Variants in TMEM132B observed in about 807,000 individuals in gnomAD.
The protein encoded by TMEM132B is transmembrane protein 132B.
A neutral mutation model predicts 90.8 loss-of-function variants in TMEM132B; 18 were observed. That is an observed-to-expected ratio of 0.20 (90% CI 0.14 to 0.29). The LOEUF is 0.29. TMEM132B is among the 10% of genes least tolerant of loss of function. The pLI, the probability that TMEM132B is intolerant of heterozygous loss-of-function variation, is 1.00. For missense variants in TMEM132B, 1,096 were observed against 1,326.8 expected, an observed-to-expected ratio of 0.83 and a Z score of 2.70; for synonymous variants, 504 against 523.3, an observed-to-expected ratio of 0.96 and a Z score of 0.50.
rs113637972 is a variant in TMEM132B, at chr12:125,277,530, T to C, written c.68-71922T>C. ...ACACACACACACACACACACACACA[T>C]ACACACACACACGGGAAGGCCATGT... On this transcript the variant is annotated intron_variant, in intron 1 of 8. Transcript: ENST00000682704. The surrounding 1 kb of genome is among the most constrained non-coding windows in gnomAD (Gnocchi z 4.3). Among the ~76,000 whole-genome samples the C allele has an allele frequency of 0.043, 3,865 of 89,136 alleles. 130 individuals are homozygous for C. The highest frequency in any genetic ancestry group is 0.21 in the African/African-American group (3,497 of 16,880). 58.5% of individuals were successfully genotyped at this position (89,136 alleles called of 152,430 possible).
chr12:125,432,397 A>ATATATATATATATATATG (rs768917407), intron 3 of TMEM132B, among the ~76,000 whole-genome samples: 1 of 68,346 alleles, frequency 1.5e-5, no homozygotes, highest in African/African-American at 6.5e-5. Flanking sequence ...ATATATATAT[A>ATATATATATATATATATG]TGTATGTATG....
At chr12:125,419,913 A>C (rs1425200711) in intron 3 of TMEM132B, among the ~76,000 whole-genome samples, 4 of 152,206 alleles carry the variant, frequency 2.6e-5, no homozygotes, top group Non-Finnish European at 4.4e-5. Flanking sequence ...TGGAAGTCTG[A>C]AATCCAGTGG....
intron 6 of TMEM132B, among the ~76,000 whole-genome samples, chr12:125,644,789 C>T (rs1224415862): frequency 6.6e-6 from 1 of 152,086 alleles, no homozygotes; most frequent in Non-Finnish European, 1.5e-5. Flanking sequence ...TGAATTTTAA[C>T]CCCAGCTTTA....
chr12:125,580,528 G>A (rs927713985), intron 4 of TMEM132B, among the ~76,000 whole-genome samples: 1 of 152,194 alleles, frequency 6.6e-6, no homozygotes, highest in Non-Finnish European at 1.5e-5. Flanking sequence ...TAGACTGCTG[G>A]TTTTTACTGT....
In TMEM132B at chr12:125,600,829, A is replaced by G. The variant is rs111331934; in HGVS notation, c.1437+16835A>G. On this transcript the variant is annotated intron_variant, in intron 5 of 8. Coordinates refer to ENST00000682704, the MANE Select transcript of TMEM132B (RefSeq NM_001366854.1). ...AGGGGTTGCAATCCTAGTCTCTGAC[A>G]AAACAGACTTCAAACCAACAAAGAT... 8.5e-3 allele frequency among the ~76,000 whole-genome samples: 1,298 copies of G among 152,342 alleles called. 12 individuals carry two copies. The highest frequency in any genetic ancestry group is 0.03 in the African/African-American group (1,229 of 41,576).
rs1347754355 is a variant in TMEM132B, at chr12:125,658,154, T to C, written c.*3444T>C. 2 of 152,352 alleles carry C rather than the reference T, an allele frequency of 1.3e-5. No individual in the cohort carries two copies. The highest frequency in any genetic ancestry group is 3.9e-4 in the East Asian group (2 of 5,184). 9.4% of individuals were successfully genotyped at this position (152,352 alleles called of 1,614,324 possible). On this transcript the variant is annotated 3_prime_UTR_variant, in exon 9 of 9. Transcript: ENST00000682704. ...GCCAGGATAAATTCCCAGACTATAA[T>C]AATCCTGACTATGTAGACGGAAGTT...
At chr12:125,539,056 T>A (rs1883887580) in intron 4 of TMEM132B, among the ~76,000 whole-genome samples, 1 of 152,184 alleles carries the variant, frequency 6.6e-6, no homozygotes, top group Non-Finnish European at 1.5e-5. Flanking sequence ...CACTCCCGTG[T>A]CATTGTCATC....
intron 1 of TMEM132B, among the ~76,000 whole-genome samples, chr12:125,332,923 G>A (rs915572867): frequency 6.6e-6 from 1 of 152,190 alleles, no homozygotes; most frequent in African/African-American, 2.4e-5. Context: ...GCCCAGACTA[G>A]CCAGGATGAA....
At chr12:125,540,782 T>C (rs180798554) in intron 4 of TMEM132B, among the ~76,000 whole-genome samples, 1 of 152,350 alleles carries the variant, frequency 6.6e-6, no homozygotes, top group African/African-American at 2.4e-5. Context: ...ACCTATCATG[T>C]CTGACCTCTG....
intron 1 of TMEM132B, among the ~76,000 whole-genome samples, chr12:125,333,105 C>T (rs73233387): frequency 0.11 from 17,239 of 152,160 alleles, 1,091 homozygotes; most frequent in East Asian, 0.3. Flanking sequence ...TGTCCCAGGC[C>T]GGTTTTCCAG....
intron 4 of TMEM132B, among the ~76,000 whole-genome samples, chr12:125,560,831 CAAAAAAAAAAAAAAAA>C (rs58083131): frequency 3.4e-5 from 1 of 29,258 alleles, no homozygotes; most frequent in South Asian, 4.0e-3. Context: ...GACTCTGTCT[CAAAAAAAAAAAAAAAA>C]AAAAAAAAAA....
At chr12:125,574,398 G>A (rs746673436) in intron 4 of TMEM132B, among the ~76,000 whole-genome samples, 2 of 152,030 alleles carry the variant, frequency 1.3e-5, no homozygotes, top group African/African-American at 2.4e-5. Flanking sequence ...AGTTCACCTC[G>A]TCCAATGGGG....
chr12:125,281,228 G>A (rs1456873821), intron 1 of TMEM132B, among the ~76,000 whole-genome samples: 1 of 152,194 alleles, frequency 6.6e-6, no homozygotes, highest in African/African-American at 2.4e-5. Context: ...GGTGTGAGCA[G>A]GAATGGGCCA....
chr12:125,652,452 G>A lies in TMEM132B; in HGVS notation c.1926G>A (p.Pro642=), dbSNP rs147741654. The A allele has an allele frequency of 3.1e-3, 4,944 of 1,604,228 alleles. 36 individuals are homozygous for A. Among genetic ancestry groups the A allele is most frequent in the Admixed American group, 0.028 (1,674 of 58,926 alleles). The stretch of plus-strand genomic sequence containing the variant: ...CGCTGACTTTTCAGGTCCTCTCGCC[G>A]TTGTCTGACTCCATCCTGGCTGAGA... ...PGITTVQVLS[P]LSDSILAEKT... Residue 642 remains proline (P), a synonymous_variant, in exon 8 of 9, where the codon CCG becomes CCA. Coordinates refer to ENST00000682704, the MANE Select transcript of TMEM132B (RefSeq NM_001366854.1).
At chr12:125,413,705 T>C (rs1478612281) in intron 2 of TMEM132B, among the ~76,000 whole-genome samples, 1 of 152,244 alleles carries the variant, frequency 6.6e-6, no homozygotes, top group Non-Finnish European at 1.5e-5. Context: ...TAATATTCCG[T>C]CATATGGATA....
intron 1 of TMEM132B, among the ~76,000 whole-genome samples, chr12:125,282,765 C>T (rs1016321647): frequency 6.6e-6 from 1 of 152,180 alleles, no homozygotes; most frequent in Admixed American, 6.5e-5. Context: ...CTTCTAATAA[C>T]ACAGAGTCAC....
At chr12:125,466,454 G>C (rs938554236) in intron 3 of TMEM132B, among the ~76,000 whole-genome samples, 15 of 152,208 alleles carry the variant, frequency 9.9e-5, no homozygotes, top group African/African-American at 3.6e-4. Context: ...CTAATTGAAG[G>C]CTTGAGTGAT....
At chr12:125,617,326 T>C (rs576716775) in intron 5 of TMEM132B, among the ~76,000 whole-genome samples, 1 of 151,780 alleles carries the variant, frequency 6.6e-6, no homozygotes, top group Admixed American at 6.6e-5. Flanking sequence ...GTGACTTTAG[T>C]AGGGCTCTTT....
intron 1 of TMEM132B, among the ~76,000 whole-genome samples, chr12:125,269,679 A>G (rs1490297324): frequency 6.6e-6 from 1 of 152,202 alleles, no homozygotes; most frequent in African/African-American, 2.4e-5. Flanking sequence ...AGCATGACTG[A>G]TCACTTAAAT....
Sources: gnomAD v4.1 joint callset for allele counts (sites outside exome capture counted in the v4.1 genomes callset) on GRCh38, gnomAD v4.1.1 for gene constraint, Gnocchi (gnomAD v3.1) non-coding constraint, MANE v1.5 for transcripts, NCBI Gene and HGNC (gene_info 2026-07-23, HGNC 2026-07-21) for gene names.